The following RASGRF1 variants were observed in gnomAD, a reference collection of about 807,000 sequenced individuals.
RASGRF1 encodes ras-specific guanine nucleotide-releasing factor 1.
A neutral mutation model predicts 138.7 loss-of-function variants in RASGRF1; 40 were observed. The ratio of observed to expected loss-of-function variants is 0.29; its 90% confidence interval spans 0.22 to 0.38. The LOEUF is 0.38. Among genes scored for constraint, RASGRF1 ranks in the 10% least tolerant of loss-of-function variants. The pLI, the probability that RASGRF1 is intolerant of heterozygous loss-of-function variation, is 1.00. For missense variants in RASGRF1, 1,108 were observed against 1,650.4 expected, an observed-to-expected ratio of 0.67 and a Z score of 5.69; for synonymous variants, 614 against 663.2, an observed-to-expected ratio of 0.93 and a Z score of 1.14.
intron 1 of RASGRF1, among the ~76,000 whole-genome samples, chr15:79,082,403 C>CCAAG (rs376104607): frequency 2.2e-4 from 34 of 152,310 alleles, no homozygotes; most frequent in African/African-American, 8.2e-4. Flanking sequence ...GGTGTCAGGA[C>CCAAG]CAAGCCTCTA....
At chr15:78,993,246 ACGTGGTGTGTGTGG>A (rs2056313199) in intron 20 of RASGRF1, among the ~76,000 whole-genome samples, 1 of 44,032 alleles carries the variant, frequency 2.3e-5, no homozygotes, top group Non-Finnish European at 4.7e-5. Flanking sequence ...GTGTGTGTGT[ACGTGGTGTGTGTGG>A]TGTGGTGTGT....
intron 4 of RASGRF1, among the ~76,000 whole-genome samples, 156 bp from the exon 5 acceptor site, chr15:79,047,155 C>T (rs1372504368): frequency 2.0e-5 from 3 of 152,238 alleles, no homozygotes; most frequent in East Asian, 1.9e-4. Context: ...CCAGGCATAG[C>T]TCTGTTGCCC....
chr15:79,047,058 C>A, intron 4 of RASGRF1, 59 bp from the exon 5 acceptor site: 1 of 1,574,698 alleles, frequency 6.4e-7, no homozygotes, highest in South Asian at 1.1e-5. Context: ...CACTCCTGTC[C>A]TTCCAGGCTG....
chr15:78,977,746 G>A (rs745741569), intron 24 of RASGRF1, among the ~76,000 whole-genome samples: 2 of 152,172 alleles, frequency 1.3e-5, no homozygotes, highest in Non-Finnish European at 2.9e-5. Context: ...CCTGTCCCCC[G>A]TGTTCCTCTA....
chr15:78,993,014 A>ATGAGGGTGGTG, intron 20 of RASGRF1, among the ~76,000 whole-genome samples: 1 of 151,138 alleles, frequency 6.6e-6, no homozygotes, highest in East Asian at 1.9e-4. Flanking sequence ...TGTGTGTGCC[A>ATGAGGGTGGTG]TGTGGGTGGT....
chr15:78,971,089 A>G (rs1049074280), intron 26 of RASGRF1, among the ~76,000 whole-genome samples: 1 of 152,094 alleles, frequency 6.6e-6, no homozygotes, highest in Non-Finnish European at 1.5e-5. Flanking sequence ...CAAGAAAGAC[A>G]TGTCTACCCC....
intron 24 of RASGRF1, chr15:78,978,786 A>T (rs1349421901): frequency 4.4e-6 from 5 of 1,128,406 alleles, no homozygotes; most frequent in Non-Finnish European, 5.5e-6. Flanking sequence ...AGGTTTCCCC[A>T]GTCCCTCCCT....
chr15:79,077,355 G>A (rs1006576839), intron 1 of RASGRF1, among the ~76,000 whole-genome samples: 1 of 152,154 alleles, frequency 6.6e-6, no homozygotes, highest in South Asian at 2.1e-4. Context: ...CTCACCTCAT[G>A]GGGTTGTTTA....
intron 15 of RASGRF1, 44 bp downstream of exon 15, chr15:79,003,758 G>A (rs2056599893): frequency 1.3e-6 from 2 of 1,543,618 alleles, no homozygotes; most frequent in Non-Finnish European, 8.7e-7. Flanking sequence ...AGCCTCAGTG[G>A]GGCTGGGAGG....
intron 1 of RASGRF1, among the ~76,000 whole-genome samples, chr15:79,079,831 G>T (rs191874293): frequency 2.4e-4 from 37 of 152,302 alleles, no homozygotes; most frequent in Admixed American, 1.4e-3. Flanking sequence ...CTATTTAAGA[G>T]GGTCCAATTG....
At chr15:79,064,302 C>T in intron 2 of RASGRF1, 118 bp downstream of exon 2, 1 of 936,588 alleles carries the variant, frequency 1.1e-6, no homozygotes, top group Non-Finnish European at 1.6e-6. Flanking sequence ...TGCTTCTCCT[C>T]CTCCTTTCCC....
chr15:78,966,758 G>GC (rs888281627), intron 26 of RASGRF1, among the ~76,000 whole-genome samples: 2 of 152,020 alleles, frequency 1.3e-5, no homozygotes, highest in African/African-American at 4.8e-5. Context: ...TTCTTACAGA[G>GC]CCCCCCAAAT....
chr15:79,054,177 C>G (rs560400448), intron 3 of RASGRF1, among the ~76,000 whole-genome samples: 1 of 152,146 alleles, frequency 6.6e-6, no homozygotes, highest in Non-Finnish European at 1.5e-5. Context: ...TCACTGGATG[C>G]AGGGGGAAGA....
At chr15:78,996,163 T>C (rs1332202317) in intron 19 of RASGRF1, among the ~76,000 whole-genome samples, 1 of 152,124 alleles carries the variant, frequency 6.6e-6, no homozygotes, top group Non-Finnish European at 1.5e-5. Context: ...TGCGAGCACA[T>C]GGATGACAGG....
intron 13 of RASGRF1, chr15:79,012,553 T>C (rs369520092): frequency 6.2e-7 from 1 of 1,613,992 alleles, no homozygotes; most frequent in African/African-American, 1.3e-5. Flanking sequence ...GGCTTTAGAT[T>C]GGTAAGCAGA....
In RASGRF1 at chr15:78,968,250, A is replaced by ATGTGTGTG. The variant is rs10529968; in HGVS notation, c.3681+3608_3681+3615dup. On this transcript the variant is annotated intron_variant, in intron 26 of 26. Transcript: ENST00000558480. ...GTCTTTTTTATTTTTCATGACACTG[A>ATGTGTGTG]TGTGTGTGTGTGTGTGTGTGTGTGT... Among the ~76,000 whole-genome samples the ATGTGTGTG allele has an allele frequency of 6.7e-3, 905 of 134,320 alleles. 10 individuals carry two copies. Among genetic ancestry groups the ATGTGTGTG allele is most frequent in the African/African-American group, 0.021 (801 of 37,614 alleles). 88.1% of individuals were successfully genotyped at this position (134,320 alleles called of 152,430 possible).
intron 2 of RASGRF1, among the ~76,000 whole-genome samples, chr15:79,061,413 A>AAGATATATATATATATATATATATAT (rs145875273): frequency 8.5e-6 from 1 of 117,060 alleles, no homozygotes; most frequent in African/African-American, 3.5e-5. Flanking sequence ...CTATCTTTAA[A>AAGATATATATATATATATATATATAT]ATATATATAT....
At chr15:78,980,788 C>G (rs2056008910) in intron 23 of RASGRF1, 89 bp from the exon 24 acceptor site, 1 of 968,920 alleles carries the variant, frequency 1.0e-6, no homozygotes, top group Non-Finnish European at 1.5e-6. Flanking sequence ...AACATGCTGC[C>G]CAACAGGGCT....
chr15:79,042,837 C>T (rs897845801), intron 5 of RASGRF1, among the ~76,000 whole-genome samples: 1 of 152,246 alleles, frequency 6.6e-6, no homozygotes, highest in African/African-American at 2.4e-5. Context: ...AGTCCAGAAG[C>T]TTCAATCCTG....
Sources: allele counts gnomAD v4.1 joint callset (sites outside exome capture counted in the v4.1 genomes callset), GRCh38; gene constraint gnomAD v4.1.1; transcripts MANE v1.5; gene names NCBI Gene and HGNC (gene_info 2026-07-23, HGNC 2026-07-21).